Variants in AMOTL1 observed in about 807,000 individuals in gnomAD.
AMOTL1 encodes the protein angiomotin like 1.
In AMOTL1, 45 loss-of-function variants were observed where a neutral mutation model predicts 102.9. The observed-to-expected ratio is 0.44, with a 90% confidence interval of 0.34 to 0.56. The LOEUF is 0.56. Ranked by LOEUF, AMOTL1 falls within the 20% of genes least tolerant of loss-of-function variation. AMOTL1 has a pLI of 0.01. For missense variants in AMOTL1, 1,114 were observed against 1,225.6 expected, an observed-to-expected ratio of 0.91 and a Z score of 1.36; for synonymous variants, 481 against 484.7, an observed-to-expected ratio of 0.99 and a Z score of 0.10.
intron 3 of AMOTL1, among the ~76,000 whole-genome samples, chr11:94,819,042 A>G (rs976194545): frequency 1.3e-5 from 2 of 152,120 alleles, no homozygotes; most frequent in African/African-American, 4.8e-5. Flanking sequence ...TTCATAGGAT[A>G]TGAGATTTCA....
intron 6 of AMOTL1, among the ~76,000 whole-genome samples, chr11:94,832,089 G>T (rs1053261123): frequency 6.6e-6 from 1 of 152,176 alleles, no homozygotes; most frequent in Non-Finnish European, 1.5e-5. Flanking sequence ...TTTATTGGGA[G>T]AATATTTTAT....
intron 3 of AMOTL1, among the ~76,000 whole-genome samples, chr11:94,819,425 G>C (rs1951824170): frequency 1.3e-5 from 2 of 152,184 alleles, no homozygotes; most frequent in African/African-American, 4.8e-5. Flanking sequence ...ATGCATATGT[G>C]ATTAGTTCCT....
chr11:94,717,216 G>A (rs1950111448), intron 1 of AMOTL1, among the ~76,000 whole-genome samples: 1 of 151,348 alleles, frequency 6.6e-6, no homozygotes, highest in East Asian at 2.0e-4. Context: ...TATTTCCAGA[G>A]TATTTAGTTA....
At chr11:94,825,429 G>C (rs1377295843) in intron 4 of AMOTL1, among the ~76,000 whole-genome samples, 1 of 152,196 alleles carries the variant, frequency 6.6e-6, no homozygotes, top group African/African-American at 2.4e-5. Flanking sequence ...TTTTCTCAGG[G>C]CCTTCTCTGT....
At chr11:94,866,296 A>C in intron 11 of AMOTL1, 128 bp downstream of exon 11, 1 of 898,660 alleles carries the variant, frequency 1.1e-6, no homozygotes. Flanking sequence ...TGAAGTGGGG[A>C]GGGAAATCAG....
At chr11:94,842,727 C>A in intron 6 of AMOTL1, among the ~76,000 whole-genome samples, 1 of 152,134 alleles carries the variant, frequency 6.6e-6, no homozygotes, top group East Asian at 1.9e-4. Context: ...AGTGTGGAAG[C>A]ATAATATGTA....
rs1347053197 is a variant in AMOTL1, at chr11:94,768,545, G to T, written c.34G>T (p.Glu12Ter). The change falls in exon 1 of 13, where the codon GAG (glutamate) becomes TAG (stop). Residue 12 changes from glutamate to a stop codon, truncating the protein, a stop_gained. Coordinates refer to ENST00000433060, the MANE Select transcript of AMOTL1 (RefSeq NM_130847.3). LOFTEE classifies it high-confidence loss of function. Reference protein sequence around the residue: ...WRAKLRRGTCEPAVKGSPSAC... With the variant: ...WRAKLRRGTC ...GGCAAAGTTGCGCCGGGGAACTTGTGAGCCTGCGGTGAAAGGTAACCAGCC... is the reference window on the plus strand; with the variant it reads ...GGCAAAGTTGCGCCGGGGAACTTGTTAGCCTGCGGTGAAAGGTAACCAGCC... 2 of 1,600,380 alleles carry T rather than the reference G, an allele frequency of 1.2e-6. No homozygotes were observed. The highest frequency in any genetic ancestry group is 2.3e-5 in the East Asian group (1 of 44,022).
chr11:94,803,558 G>A (rs1272221200), intron 3 of AMOTL1, among the ~76,000 whole-genome samples: 3 of 152,126 alleles, frequency 2.0e-5, no homozygotes, highest in Non-Finnish European at 4.4e-5. Flanking sequence ...GACAAGATGG[G>A]AATTAAACAG....
chr11:94,750,078 T>C (rs1950633547), intron 3 of AMOTL1, among the ~76,000 whole-genome samples: 1 of 152,228 alleles, frequency 6.6e-6, no homozygotes, highest in Non-Finnish European at 1.5e-5. Flanking sequence ...AGCTTATGGC[T>C]TGGGTCATGT....
intron 6 of AMOTL1, among the ~76,000 whole-genome samples, chr11:94,847,267 C>T (rs530762386): frequency 5.3e-5 from 8 of 152,270 alleles, no homozygotes; most frequent in Admixed American, 3.3e-4. Flanking sequence ...TGATGTGTCG[C>T]GGCTTGTAAG....
At chr11:94,828,501 C>G (rs1952010344) in intron 4 of AMOTL1, among the ~76,000 whole-genome samples, 1 of 152,106 alleles carries the variant, frequency 6.6e-6, no homozygotes, top group African/African-American at 2.4e-5. Flanking sequence ...CTAAGCCTCC[C>G]CTGCCCATAA....
intron 2 of AMOTL1, among the ~76,000 whole-genome samples, chr11:94,730,898 TC>T (rs1438848102): frequency 6.6e-6 from 1 of 152,186 alleles, no homozygotes. Context: ...AGTGTGGTTT[TC>T]CCACTGATGC....
At chr11:94,865,622 C>A (rs1952865585) in intron 10 of AMOTL1, among the ~76,000 whole-genome samples, 1 of 152,126 alleles carries the variant, frequency 6.6e-6, no homozygotes, top group South Asian at 2.1e-4. Context: ...CCCTACCTAC[C>A]CCCGGCCCCC....
intron 3 of AMOTL1, among the ~76,000 whole-genome samples, chr11:94,759,016 A>G (rs142498723): frequency 9.2e-5 from 14 of 152,366 alleles, no homozygotes; most frequent in African/African-American, 3.1e-4. Flanking sequence ...ATGAATTTCT[A>G]TACGGATTAG....
chr11:94,710,613 A>T (rs1026916146), intron 1 of AMOTL1, among the ~76,000 whole-genome samples: 4 of 152,214 alleles, frequency 2.6e-5, no homozygotes, highest in Non-Finnish European at 5.9e-5. Flanking sequence ...CTTTGTTGCA[A>T]GTCCCAAAGC....
chr11:94,730,037 A>G (rs1338710209), intron 2 of AMOTL1, among the ~76,000 whole-genome samples: 1 of 152,146 alleles, frequency 6.6e-6, no homozygotes, highest in African/African-American at 2.4e-5. Flanking sequence ...GCTTTGAGAG[A>G]GGAAATTTGG....
chr11:94,738,137 A>C (rs2135471462), intron 2 of AMOTL1, among the ~76,000 whole-genome samples: 1 of 152,258 alleles, frequency 6.6e-6, no homozygotes, highest in East Asian at 1.9e-4. Context: ...ATTCATCCAT[A>C]GCAACAAGAG....
At chr11:94,798,246 T>C (rs1277861440) in intron 2 of AMOTL1, among the ~76,000 whole-genome samples, 2 of 152,198 alleles carry the variant, frequency 1.3e-5, no homozygotes, top group Admixed American at 1.3e-4. Flanking sequence ...AAATAACACA[T>C]GGAGAGAATT....
At chr11:94,863,279 T>TAAAA (rs57178685) in intron 9 of AMOTL1, among the ~76,000 whole-genome samples, 2 of 120,556 alleles carry the variant, frequency 1.7e-5, no homozygotes. Flanking sequence ...GGCTATTCTG[T>TAAAA]AAAAAAAAAA....
Sources: allele counts gnomAD v4.1 joint callset (sites outside exome capture counted in the v4.1 genomes callset), GRCh38; gene constraint gnomAD v4.1.1; transcripts MANE v1.5; gene names NCBI Gene and HGNC (gene_info 2026-07-23, HGNC 2026-07-21).